Variants in ACBD6 observed in about 807,000 individuals in gnomAD.
ACBD6 encodes the protein acyl-CoA binding domain containing 6.
Under a neutral mutation model 37.2 loss-of-function variants are expected in ACBD6, and 28 were observed. The ratio of observed to expected loss-of-function variants is 0.75; its 90% CI spans 0.56 to 1.03. The LOEUF is 1.03. Ranked by LOEUF, ACBD6 falls within the 50% of genes least tolerant of loss-of-function variation. The probability of loss-of-function intolerance (pLI) is 0.00; values close to 1 mark genes in which losing one functional copy is unlikely to be tolerated. For synonymous variants in ACBD6, 113 were observed against 126.8 expected (o/e 0.89, Z 0.73); for missense variants, 340 against 337.4 (o/e 1.01, Z -0.06).
At chr1:180,398,012 C>A (rs1284279674) in intron 5 of ACBD6, among the ~76,000 whole-genome samples, 1 of 152,032 alleles carries the variant, frequency 6.6e-6, no homozygotes, top group Non-Finnish European at 1.5e-5. Flanking sequence ...GAGATTGTAC[C>A]ACTGCACTCC....
At position 180,304,401 on chromosome 1, in the gene ACBD6, G is replaced by C. The variant is rs562587526; in HGVS notation, c.694+10291C>G. On this transcript the variant is annotated intron_variant, in intron 7 of 7. Transcript: ENST00000367595. ...ATCTCCTTAAGCTGATAGGCAACTT[G>C]AGCAAAGTCTCAGGATACAAAATCA... Among the ~76,000 whole-genome samples the C allele has an allele frequency of 2.0e-5, 3 of 150,948 alleles. No homozygotes were observed. In the South Asian group the frequency reaches 6.4e-4, roughly 32 times the overall value.
intron 7 of ACBD6, among the ~76,000 whole-genome samples, chr1:180,303,399 T>C (rs200564775): frequency 6.7e-6 from 1 of 150,242 alleles, no homozygotes; most frequent in Non-Finnish European, 1.5e-5. Context: ...ATCAAATAGA[T>C]GCAATAAAAA....
At chr1:180,383,368 A>T (rs1006089368) in intron 6 of ACBD6, among the ~76,000 whole-genome samples, 9 of 152,328 alleles carry the variant, frequency 5.9e-5, no homozygotes, top group Non-Finnish European at 1.2e-4. Flanking sequence ...ACATATAAAA[A>T]ATCAGTAGGG....
chr1:180,433,563 G>C (rs997524323), intron 3 of ACBD6, among the ~76,000 whole-genome samples: 4 of 146,648 alleles, frequency 2.7e-5, no homozygotes, highest in Non-Finnish European at 5.9e-5. Context: ...AAAGGCATTT[G>C]TGGTGTTATG....
At chr1:180,298,986 T>C (rs1362151738) in intron 7 of ACBD6, among the ~76,000 whole-genome samples, 1 of 152,230 alleles carries the variant, frequency 6.6e-6, no homozygotes, top group East Asian at 1.9e-4. Flanking sequence ...ATGTTTATGT[T>C]AGCACAGAGC....
intron 6 of ACBD6, among the ~76,000 whole-genome samples, chr1:180,329,386 T>C (rs778973167): frequency 9.2e-5 from 14 of 152,188 alleles, no homozygotes; most frequent in Non-Finnish European, 1.6e-4. Context: ...TTATCCTTTA[T>C]TATTATCAGT....
chr1:180,460,347 TC>T (rs1311996011), intron 3 of ACBD6, among the ~76,000 whole-genome samples: 1 of 151,972 alleles, frequency 6.6e-6, no homozygotes, highest in Non-Finnish European at 1.5e-5. Context: ...CGTTCCAGCC[TC>T]CAGGCTTTGG....
chr1:180,435,813 G>A, intron 3 of ACBD6: 1 of 978,378 alleles, frequency 1.0e-6, no homozygotes, highest in Admixed American at 1.7e-5. Flanking sequence ...AATAACTCCA[G>A]CCTGATGGGT....
chr1:180,349,312 C>T (rs7523003), intron 6 of ACBD6, among the ~76,000 whole-genome samples: 71,968 of 150,334 alleles, frequency 0.48, 19,698 homozygotes, highest in South Asian at 0.65. Flanking sequence ...CAGGCTGGCT[C>T]GCGGGCGATC....
chr1:180,368,521 A>G (rs1459236886), intron 6 of ACBD6, among the ~76,000 whole-genome samples: 1 of 152,026 alleles, frequency 6.6e-6, no homozygotes, highest in Non-Finnish European at 1.5e-5. Flanking sequence ...TTTTACATTT[A>G]AGTCTTTAAT....
At chr1:180,322,884 T>A (rs1358840599) in intron 6 of ACBD6, among the ~76,000 whole-genome samples, 1 of 151,536 alleles carries the variant, frequency 6.6e-6, no homozygotes, top group African/African-American at 2.4e-5. Context: ...TTATTTATTA[T>A]TTTATTATTT....
chr1:180,348,317 C>T (rs898743021), intron 6 of ACBD6, among the ~76,000 whole-genome samples: 3 of 152,166 alleles, frequency 2.0e-5, no homozygotes, highest in South Asian at 4.1e-4. Flanking sequence ...CATAGAGAAG[C>T]GACAAGAGCT....
chr1:180,306,084 C>G (rs1461108959), intron 7 of ACBD6, among the ~76,000 whole-genome samples: 3 of 129,566 alleles, frequency 2.3e-5, no homozygotes, highest in Non-Finnish European at 4.7e-5. Flanking sequence ...AACATCACAC[C>G]CCGGGGACTG....
Position 180,502,407 on chromosome 1 carries a change from C to T in ACBD6, c.-141G>A. The T allele has an allele frequency of 2.3e-6, 2 of 887,562 alleles. No individual in the cohort carries two copies. Among genetic ancestry groups the T allele is most frequent in the Non-Finnish European group, 3.6e-6 (2 of 550,332 alleles). 55.0% of individuals were successfully genotyped at this position (887,562 alleles called of 1,614,324 possible). A position where few individuals can be genotyped will look rare whatever the true frequency, so the allele number is the denominator to read the frequency against. On this transcript the variant is annotated 5_prime_UTR_variant, in exon 1 of 8. Transcript: ENST00000367595. ...CCCAAGCTCAGTCGCGGCGCGCTCC[C>T]TCACGTGACCCTGCTCCCTGCCCAC...
exon 14 of ACBD6, chr1:180,270,481 C>G (rs1648578959): frequency 6.6e-6 from 1 of 152,218 alleles, no homozygotes; most frequent in South Asian, 2.1e-4. Context: ...CCTTTACATT[C>G]ACCTGTGCTT....
At chr1:180,483,863 A>G (rs1202943008) in intron 3 of ACBD6, among the ~76,000 whole-genome samples, 6 of 152,210 alleles carry the variant, frequency 3.9e-5, no homozygotes, top group Non-Finnish European at 2.9e-5. Flanking sequence ...AGGACTCAAA[A>G]GAAATAGTAC....
At chr1:180,306,655 G>A (rs1057140411) in intron 7 of ACBD6, among the ~76,000 whole-genome samples, 2 of 152,164 alleles carry the variant, frequency 1.3e-5, no homozygotes, top group African/African-American at 4.8e-5. Context: ...CATTCTCACT[G>A]CTGTATAGTA....
intron 2 of ACBD6, among the ~76,000 whole-genome samples, chr1:180,494,774 C>T (rs529654074): frequency 6.6e-6 from 1 of 152,228 alleles, no homozygotes; most frequent in African/African-American, 2.4e-5. Flanking sequence ...AACTAAGATT[C>T]CCAGTTGTAT....
intron 3 of ACBD6, among the ~76,000 whole-genome samples, chr1:180,459,967 CTTTTTTTTTTTTT>C (rs67323272): frequency 9.3e-6 from 1 of 107,980 alleles, no homozygotes; most frequent in African/African-American, 3.2e-5. Flanking sequence ...CAGACTGCTT[CTTTTTTTTTTTTT>C]TTTTTTTTTT....
Sources: gnomAD v4.1 joint callset for allele counts (sites outside exome capture counted in the v4.1 genomes callset) on GRCh38, gnomAD v4.1.1 for gene constraint, MANE v1.5 for transcripts, NCBI Gene and HGNC (gene_info 2026-07-23, HGNC 2026-07-21) for gene names.